The following ABCA13 variants were observed in gnomAD, a reference collection of about 807,000 sequenced individuals.
ABCA13 encodes the protein ATP-binding cassette sub-family A member 13.
ABCA13 carries 476 observed loss-of-function variants against 478.7 expected under a neutral mutation model. That is an observed-to-expected ratio of 0.99 (90% CI 0.92 to 1.07). The LOEUF (loss-of-function observed/expected upper bound fraction) is 1.07. Among genes scored for constraint, ABCA13 ranks in the 50% least tolerant of loss-of-function variants. ABCA13 has a pLI of 0.00. For missense variants in ABCA13, 6,060 were observed against 5,910.6 expected (o/e 1.03, Z -0.83); for synonymous variants, 2,252 against 2,158.9 (o/e 1.04, Z -1.20).
intron 31 of ABCA13, among the ~76,000 whole-genome samples, chr7:48,362,409 C>CTTTTTTTTTTTTTTTTTTTTTTTCT (rs35795708): frequency 2.3e-5 from 2 of 86,010 alleles, no homozygotes; most frequent in African/African-American, 4.7e-5. Flanking sequence ...TCCTCTTCTT[C>CTTTTTTTTTTTTTTTTTTTTTTTCT]TTTTTTTTTT....
intron 23 of ABCA13, among the ~76,000 whole-genome samples, chr7:48,298,917 A>T (rs1485633372): frequency 6.6e-6 from 1 of 152,340 alleles, no homozygotes; most frequent in Admixed American, 6.5e-5. Flanking sequence ...GACTGGGCAC[A>T]GTCTGACTAT....
At chr7:48,232,470 A>C (rs1789293183) in intron 7 of ABCA13, among the ~76,000 whole-genome samples, 1 of 152,164 alleles carries the variant, frequency 6.6e-6, no homozygotes, top group Non-Finnish European at 1.5e-5. Context: ...AAAGCTAAGG[A>C]ACACTATTAC....
intron 30 of ABCA13, among the ~76,000 whole-genome samples, chr7:48,351,907 A>G (rs1809065909): frequency 6.6e-6 from 1 of 152,202 alleles, no homozygotes; most frequent in Admixed American, 6.5e-5. Flanking sequence ...CTGACAAATA[A>G]TTTCTTTGTG....
At chr7:48,572,838 T>A (rs1487561038) in intron 55 of ABCA13, among the ~76,000 whole-genome samples, 1 of 152,164 alleles carries the variant, frequency 6.6e-6, no homozygotes, top group Admixed American at 6.5e-5. Context: ...TTTCAAAGAA[T>A]GCCCTAATGA....
chr7:48,448,120 C>G (rs1824527683), intron 42 of ABCA13, among the ~76,000 whole-genome samples: 1 of 152,164 alleles, frequency 6.6e-6, no homozygotes. Context: ...TGCCTGCCTG[C>G]ATAGAACCTT....
chr7:48,234,246 A>T, intron 8 of ABCA13, 95 bp downstream of exon 8: 1 of 1,557,358 alleles, frequency 6.4e-7, no homozygotes. Context: ...GTGCCACGGG[A>T]GAGGCAGCCA....
intron 57 of ABCA13, 149 bp from the exon 58 acceptor site, chr7:48,594,561 G>A (rs1790091857): frequency 1.5e-6 from 1 of 649,122 alleles, no homozygotes; most frequent in Middle Eastern, 4.0e-4. Context: ...GCTTTGTTGA[G>A]CAGAGTGCAA....
chr7:48,303,580 T>C (rs1274572430), intron 23 of ABCA13, among the ~76,000 whole-genome samples: 5 of 152,176 alleles, frequency 3.3e-5, no homozygotes, highest in Non-Finnish European at 5.9e-5. Flanking sequence ...GCACCATTTA[T>C]TGAATAGGGA....
chr7:48,174,727 T>C (rs1376472212), intron 1 of ABCA13, among the ~76,000 whole-genome samples: 1 of 152,198 alleles, frequency 6.6e-6, no homozygotes, highest in Non-Finnish European at 1.5e-5. Context: ...TCTTTTCTTA[T>C]CCTTAGGCAT....
chr7:48,474,420 T>G (rs1385207624), intron 45 of ABCA13, among the ~76,000 whole-genome samples: 1 of 152,192 alleles, frequency 6.6e-6, no homozygotes, highest in Non-Finnish European at 1.5e-5. Flanking sequence ...AATTAGATGA[T>G]TCTCCTGGAA....
chr7:48,580,733 T>C (rs1361131667), intron 56 of ABCA13, among the ~76,000 whole-genome samples: 1 of 152,164 alleles, frequency 6.6e-6, no homozygotes, highest in African/African-American at 2.4e-5. Context: ...AAACTCTGTA[T>C]TTTCAGGGCT....
chr7:48,538,103 T>C lies in ABCA13; in HGVS notation c.14354+9758T>C, dbSNP rs964246346. ...TATTTTTTTCTTTCTTTCTTTCCTT[T>C]TTTTTTTTTTTTTTTGAGGTGGAGT... On this transcript the variant is annotated intron_variant, in intron 55 of 61. Coordinates refer to ENST00000435803, the MANE Select transcript of ABCA13 (RefSeq NM_152701.5). Among the ~76,000 whole-genome samples, 8 of 98,000 alleles carry C rather than the reference T, an allele frequency of 8.2e-5. 1 individual carries two copies. Among genetic ancestry groups the C allele is most frequent in the African/African-American group, 3.7e-4 (8 of 21,476 alleles). 64.3% of individuals were successfully genotyped at this position (98,000 alleles called of 152,430 possible).
chr7:48,281,064 T>C (rs959565468), intron 18 of ABCA13, among the ~76,000 whole-genome samples: 3 of 152,246 alleles, frequency 2.0e-5, no homozygotes, highest in Non-Finnish European at 4.4e-5. Flanking sequence ...ACATTTACCT[T>C]TGCATTTCAA....
intron 5 of ABCA13, among the ~76,000 whole-genome samples, chr7:48,223,989 A>T (rs1277646342): frequency 3.4e-5 from 5 of 147,446 alleles, no homozygotes; most frequent in Non-Finnish European, 6.0e-5. Flanking sequence ...AGAGAGAGAG[A>T]GAGAATGGGG....
intron 58 of ABCA13, among the ~76,000 whole-genome samples, chr7:48,606,150 G>A (rs1791443582): frequency 6.6e-6 from 1 of 152,092 alleles, no homozygotes; most frequent in Non-Finnish European, 1.5e-5. Context: ...CTTGCATTGG[G>A]TTAGAACTTG....
In ABCA13 at chr7:48,297,175, A is replaced by G. The variant is rs967725682; in HGVS notation, c.9120-57A>G. The G allele has an allele frequency of 3.3e-5, 46 of 1,398,116 alleles. No homozygotes were observed. The Admixed American group carries it at 5.9e-4, about 18-fold the overall frequency. 86.6% of individuals were successfully genotyped at this position (1,398,116 alleles called of 1,614,324 possible). On this transcript the variant is annotated intron_variant, in intron 21 of 61. Coordinates refer to ENST00000435803, the MANE Select transcript of ABCA13 (RefSeq NM_152701.5). ...AGCTGAGGCAGTATTATTCATTCCA[A>G]CACTGTTTCTGATGTTTTAGCTTGC...
chr7:48,178,806 A>G (rs1182375670), intron 1 of ABCA13, among the ~76,000 whole-genome samples: 2 of 151,552 alleles, frequency 1.3e-5, no homozygotes, highest in Non-Finnish European at 2.9e-5. Flanking sequence ...TTTCTCATTT[A>G]CCAATTCGAC....
At chr7:48,585,987 TA>T (rs1365938621) in intron 56 of ABCA13, among the ~76,000 whole-genome samples, 1 of 152,110 alleles carries the variant, frequency 6.6e-6, no homozygotes, top group African/African-American at 2.4e-5. Context: ...AAATGCTAAA[TA>T]AAAGTGTTCT....
chr7:48,610,508 C>T (rs1442545673), intron 58 of ABCA13, among the ~76,000 whole-genome samples: 1 of 152,158 alleles, frequency 6.6e-6, no homozygotes, highest in Non-Finnish European at 1.5e-5. Context: ...AGGGTGGTAG[C>T]CCTCTTCTCA....
Sources: allele counts gnomAD v4.1 joint callset (sites outside exome capture counted in the v4.1 genomes callset), GRCh38; gene constraint gnomAD v4.1.1; transcripts MANE v1.5; gene names NCBI Gene and HGNC (gene_info 2026-07-23, HGNC 2026-07-21).